The following TENM2 variants were observed in gnomAD, a reference collection of about 807,000 sequenced individuals.
The protein encoded by TENM2 is teneurin-2.
A neutral mutation model predicts 245.2 loss-of-function variants in TENM2; 52 were observed. The ratio of observed to expected loss-of-function variants is 0.21; its 90% CI spans 0.17 to 0.27. The LOEUF is 0.27. TENM2 is among the 10% of genes least tolerant of loss of function. The pLI, the probability that TENM2 is intolerant of heterozygous loss-of-function variation, is 1.00. For missense variants in TENM2, 3,046 were observed against 3,666.8 expected (o/e 0.83, Z 4.37); for synonymous variants, 1,363 against 1,438.9 (o/e 0.95, Z 1.19).
chr5:168,150,229 A>G (rs1756522394), intron 12 of TENM2, among the ~76,000 whole-genome samples: 1 of 152,344 alleles, frequency 6.6e-6, no homozygotes, highest in Admixed American at 6.5e-5. Context: ...TAGGTGCTCG[A>G]TAAATAATTA....
At chr5:167,629,520 C>T (rs1273769337) in intron 2 of TENM2, among the ~76,000 whole-genome samples, 1 of 152,184 alleles carries the variant, frequency 6.6e-6, no homozygotes, top group African/African-American at 2.4e-5. Flanking sequence ...CACTGTCTCT[C>T]TGGACCAAAA....
At chr5:167,586,101 C>A (rs994433763) in intron 2 of TENM2, among the ~76,000 whole-genome samples, 11 of 151,774 alleles carry the variant, frequency 7.2e-5, no homozygotes, top group Admixed American at 3.9e-4. Flanking sequence ...GGTGACAGAG[C>A]GAGACTGTCT....
chr5:168,100,954 C>T (rs1339167405), intron 9 of TENM2, among the ~76,000 whole-genome samples: 1 of 151,408 alleles, frequency 6.6e-6, no homozygotes, highest in East Asian at 1.9e-4. Context: ...CAAGATGCTG[C>T]CCGACAGCTC....
intron 2 of TENM2, among the ~76,000 whole-genome samples, chr5:167,818,262 T>C (rs1767225744): frequency 6.6e-6 from 1 of 152,176 alleles, no homozygotes. Context: ...GACAAGTTTA[T>C]TGAAGGCAAA....
chr5:167,916,922 GT>G (rs1292562075), intron 3 of TENM2, among the ~76,000 whole-genome samples: 1 of 152,156 alleles, frequency 6.6e-6, no homozygotes, highest in African/African-American at 2.4e-5. Flanking sequence ...TTTTGGTGTT[GT>G]TGCTTAAGCA....
intron 2 of TENM2, among the ~76,000 whole-genome samples, chr5:167,435,419 TTC>T (rs1434505553): frequency 1.3e-5 from 2 of 152,222 alleles, no homozygotes. Context: ...TTGACTCTCA[TTC>T]TCTCTATTGC....
At chr5:167,776,624 A>AAAAAAC (rs1561769493) in intron 2 of TENM2, among the ~76,000 whole-genome samples, 26 of 61,258 alleles carry the variant, frequency 4.2e-4, no homozygotes, top group African/African-American at 1.8e-3. Context: ...AAAAAAAAAA[A>AAAAAAC]AACCATATAT....
chr5:167,485,280 G>A (rs189146941), intron 2 of TENM2, among the ~76,000 whole-genome samples: 1 of 152,218 alleles, frequency 6.6e-6, no homozygotes, highest in East Asian at 1.9e-4. Context: ...AATCTTCCCA[G>A]GAAGAAGCGG....
the TENM2 span, among the ~76,000 whole-genome samples, chr5:167,059,789 C>T: frequency 6.7e-6 from 1 of 150,362 alleles, no homozygotes; most frequent in Non-Finnish European, 1.5e-5. Flanking sequence ...CTGCAACCTC[C>T]GCCTCCCAGG....
At chr5:167,862,430 A>G (rs1304731015) in intron 2 of TENM2, among the ~76,000 whole-genome samples, 2 of 152,252 alleles carry the variant, frequency 1.3e-5, no homozygotes, top group Non-Finnish European at 2.9e-5. Flanking sequence ...TAACTAAGCA[A>G]TGTGCTATTT....
At chr5:168,039,187 A>G (rs1787965270) in intron 5 of TENM2, among the ~76,000 whole-genome samples, 2 of 152,136 alleles carry the variant, frequency 1.3e-5, no homozygotes, top group Non-Finnish European at 2.9e-5. Flanking sequence ...ATCCTCTAAA[A>G]CATTCATAAT....
intron 2 of TENM2, among the ~76,000 whole-genome samples, chr5:167,575,130 A>C (rs10065886): frequency 0.031 from 4,737 of 151,464 alleles, 262 homozygotes; most frequent in African/African-American, 0.11. Context: ...AAAAAAAAAA[A>C]AACAACCCAA....
At chr5:167,037,299 T>G in the TENM2 span, among the ~76,000 whole-genome samples, 1 of 152,220 alleles carries the variant, frequency 6.6e-6, no homozygotes, top group East Asian at 1.9e-4. Context: ...TGCAGCAAGC[T>G]TGAAGCTATG....
At chr5:168,062,023 G>A (rs373441009) in intron 6 of TENM2, 37 bp from the exon 9 acceptor site, 35 of 1,557,040 alleles carry the variant, frequency 2.2e-5, no homozygotes, top group Middle Eastern at 2.3e-4. Flanking sequence ...ATCTATACAC[G>A]TCATTGACTG....
At chr5:167,795,523 C>T (rs1009873344) in intron 2 of TENM2, among the ~76,000 whole-genome samples, 9 of 152,092 alleles carry the variant, frequency 5.9e-5, no homozygotes, top group African/African-American at 2.2e-4. Context: ...AAGGGAATGA[C>T]CAGAGAAGAC....
At chr5:167,037,698 A>G in the TENM2 span, among the ~76,000 whole-genome samples, 1 of 152,128 alleles carries the variant, frequency 6.6e-6, no homozygotes, top group Non-Finnish European at 1.5e-5. Context: ...CCTCCTTCCT[A>G]TAACAGAGGC....
the TENM2 span, among the ~76,000 whole-genome samples, chr5:167,202,754 C>T: frequency 3.3e-5 from 5 of 152,112 alleles, no homozygotes; most frequent in Admixed American, 6.5e-5. Flanking sequence ...CTGAGTCACA[C>T]GGGAGGATGA....
chr5:168,104,676 A>G (rs1794102492), intron 9 of TENM2, among the ~76,000 whole-genome samples: 1 of 152,198 alleles, frequency 6.6e-6, no homozygotes. Flanking sequence ...AGTCTGCATC[A>G]GGCATCTGAA....
At chr5:167,890,664 T>C (rs1774676502) in intron 3 of TENM2, among the ~76,000 whole-genome samples, 1 of 152,184 alleles carries the variant, frequency 6.6e-6, no homozygotes, top group African/African-American at 2.4e-5. Context: ...TAGAGTCCAG[T>C]AGAGACTGCC....
Sources: allele counts gnomAD v4.1 joint callset (sites outside exome capture counted in the v4.1 genomes callset), GRCh38; gene constraint gnomAD v4.1.1; transcripts MANE v1.5; gene names NCBI Gene and HGNC (gene_info 2026-07-23, HGNC 2026-07-21).